Variants in PDZD2 observed in about 807,000 individuals in gnomAD.
The protein encoded by PDZD2 is PDZ domain containing 2.
A neutral mutation model predicts 220.7 loss-of-function variants in PDZD2; 90 were observed. That is an observed-to-expected ratio of 0.41 (90% CI 0.34 to 0.49). The LOEUF is 0.49. Ranked by LOEUF, PDZD2 falls within the 20% of genes least tolerant of loss-of-function variation. The pLI is 0.28. For missense variants in PDZD2, 3,174 were observed against 3,608.5 expected (o/e 0.88, Z 3.08); for synonymous variants, 1,375 against 1,450.5 (o/e 0.95, Z 1.18).
intron 2 of PDZD2, among the ~76,000 whole-genome samples, chr5:31,947,957 T>C (rs1205515751): frequency 6.6e-6 from 1 of 152,154 alleles, no homozygotes; most frequent in African/African-American, 2.4e-5. Flanking sequence ...CCAAGCATTA[T>C]ATAAACTTTA....
intron 19 of PDZD2, among the ~76,000 whole-genome samples, chr5:32,079,991 C>G (rs1339096269): frequency 3.3e-5 from 5 of 152,108 alleles, no homozygotes; most frequent in African/African-American, 1.2e-4. Context: ...CATTCACTTG[C>G]TGGACAAACA....
intron 2 of PDZD2, among the ~76,000 whole-genome samples, chr5:31,829,711 C>G (rs1756448447): frequency 6.6e-6 from 1 of 152,108 alleles, no homozygotes; most frequent in Non-Finnish European, 1.5e-5. Context: ...TTACCAGTTA[C>G]TAACCCCCCT....
rs1581244222 is a variant in PDZD2 at position 32,000,334 on chromosome 5, A to C, written c.1254+63A>C. The C allele has an allele frequency of 2.6e-6, 4 of 1,521,580 alleles. No individual in the cohort carries two copies. Among genetic ancestry groups the C allele is most frequent in the Non-Finnish European group, 3.6e-6 (4 of 1,097,946 alleles). The allele number at this position is 1,521,580 out of a possible 1,614,324, so 94.3% of individuals were successfully genotyped here. A position where few individuals can be genotyped will look rare whatever the true frequency, so the allele number is the denominator to read the frequency against. On this transcript the variant is annotated intron_variant, in intron 5 of 24. Coordinates refer to ENST00000438447, the MANE Select transcript of PDZD2 (RefSeq NM_178140.4). The surrounding 1 kb of genome is among the most constrained non-coding windows in gnomAD (Gnocchi z 4.5). ...CAGTGGTGAGTTGGGGTTGAGCCCCACCTCCCATGCCACACACACACACAA... is the reference window on the plus strand; with the variant it reads ...CAGTGGTGAGTTGGGGTTGAGCCCCCCCTCCCATGCCACACACACACACAA...
chr5:31,894,774 C>G (rs755691245), intron 2 of PDZD2, among the ~76,000 whole-genome samples: 1 of 152,188 alleles, frequency 6.6e-6, no homozygotes, highest in African/African-American at 2.4e-5. Context: ...CAATGCTGCA[C>G]GAGGGAAATG....
At chr5:31,748,783 C>G (rs1444192456) in intron 1 of PDZD2, among the ~76,000 whole-genome samples, 1 of 152,236 alleles carries the variant, frequency 6.6e-6, no homozygotes, top group Admixed American at 6.5e-5. Flanking sequence ...TTTAGGTTAT[C>G]TGTGCATTTG....
At chr5:31,905,642 C>T (rs1359598617) in intron 2 of PDZD2, among the ~76,000 whole-genome samples, 2 of 152,208 alleles carry the variant, frequency 1.3e-5, no homozygotes, top group African/African-American at 2.4e-5. Flanking sequence ...TTTCTCACTA[C>T]AGAGTTAACC....
At chr5:32,005,044 C>T (rs1272289053) in intron 5 of PDZD2, among the ~76,000 whole-genome samples, 1 of 152,202 alleles carries the variant, frequency 6.6e-6, no homozygotes, top group Non-Finnish European at 1.5e-5. Flanking sequence ...TCATCTACAC[C>T]ATCCAAGGTC....
intron 2 of PDZD2, among the ~76,000 whole-genome samples, chr5:31,892,982 G>A (rs1741193522): frequency 6.6e-6 from 1 of 152,222 alleles, no homozygotes; most frequent in African/African-American, 2.4e-5. Flanking sequence ...TGGCGTGGGA[G>A]GAGCAATGGA....
In PDZD2 at chr5:32,101,091, CGCTGCG is replaced by C. The variant is rs769262093; in HGVS notation, c.8219-8_8219-3del. ...ACCCTGTCATTTTCATCTTGGTGCA[CGCTGCG>C]GCTGCAGGGAGAAGTGTGGCTGTAC... is the stretch of plus-strand genomic sequence containing the variant. On this transcript the variant is annotated splice_region_variant and splice_polypyrimidine_tract_variant and intron_variant, in intron 23 of 24. Coordinates refer to ENST00000438447, the MANE Select transcript of PDZD2 (RefSeq NM_178140.4). 4 of 1,613,978 alleles carry C rather than the reference CGCTGCG, an allele frequency of 2.5e-6. No homozygotes were observed. Among genetic ancestry groups the C allele is most frequent in the South Asian group, 1.1e-5 (1 of 91,072 alleles).
intron 1 of PDZD2, among the ~76,000 whole-genome samples, chr5:31,782,019 C>A (rs1404801661): frequency 6.6e-6 from 1 of 152,120 alleles, no homozygotes; most frequent in African/African-American, 2.4e-5. Flanking sequence ...CACTCTATGC[C>A]GGCACAGTGT....
At chr5:31,984,374 A>AT (rs1561264588) in intron 3 of PDZD2, among the ~76,000 whole-genome samples, 1 of 152,160 alleles carries the variant, frequency 6.6e-6, no homozygotes, top group East Asian at 1.9e-4. Flanking sequence ...TCCTATGAGA[A>AT]TTGCATTTCT....
intron 2 of PDZD2, among the ~76,000 whole-genome samples, chr5:31,902,587 A>G (rs1277297353): frequency 1.3e-5 from 2 of 149,990 alleles, no homozygotes; most frequent in African/African-American, 2.5e-5. Context: ...GGTTTGAGCA[A>G]TTCTCCAGCC....
chr5:31,668,749 C>T (rs1746098365), intron 1 of PDZD2, among the ~76,000 whole-genome samples: 1 of 152,062 alleles, frequency 6.6e-6, no homozygotes. Context: ...GCAATGAATG[C>T]TTGGTTATTT....
intron 2 of PDZD2, among the ~76,000 whole-genome samples, chr5:31,930,442 G>A (rs967762831): frequency 1.3e-5 from 2 of 151,706 alleles, no homozygotes; most frequent in Non-Finnish European, 2.9e-5. Context: ...CTCGTGATCC[G>A]CCCGCCTCGG....
At chr5:31,923,309 G>A (rs1581088751) in intron 2 of PDZD2, 4 of 687,970 alleles carry the variant, frequency 5.8e-6, no homozygotes, top group South Asian at 3.2e-5. Flanking sequence ...TCTCCCTTTC[G>A]GATTCCCGAT....
At chr5:31,997,359 C>A (rs942885444) in intron 4 of PDZD2, among the ~76,000 whole-genome samples, 5 of 152,108 alleles carry the variant, frequency 3.3e-5, no homozygotes, top group Non-Finnish European at 7.3e-5. Flanking sequence ...CACAAACCAG[C>A]AAAGTCTTTT....
At chr5:32,016,979 G>A (rs1300430743) in intron 6 of PDZD2, among the ~76,000 whole-genome samples, 1 of 152,200 alleles carries the variant, frequency 6.6e-6, no homozygotes, top group Non-Finnish European at 1.5e-5. Flanking sequence ...CGTCTCCCAG[G>A]TCCTCACTGT....
chr5:31,746,374 A>C (rs1750605557), intron 1 of PDZD2, among the ~76,000 whole-genome samples: 2 of 152,166 alleles, frequency 1.3e-5, no homozygotes, highest in Non-Finnish European at 2.9e-5. Flanking sequence ...GGCTTTGTCT[A>C]GGATCAGCAG....
At chr5:31,789,546 C>CGA (rs1753578323) in intron 1 of PDZD2, among the ~76,000 whole-genome samples, 1 of 152,244 alleles carries the variant, frequency 6.6e-6, no homozygotes, top group Non-Finnish European at 1.5e-5. Flanking sequence ...GTTATGTGGT[C>CGA]TTCTCCATCA....
Sources: allele counts gnomAD v4.1 joint callset (sites outside exome capture counted in the v4.1 genomes callset), GRCh38; gene constraint gnomAD v4.1.1; non-coding constraint Gnocchi (gnomAD v3.1); transcripts MANE v1.5; gene names NCBI Gene and HGNC (gene_info 2026-07-23, HGNC 2026-07-21).